The following UHRF1 variants were observed in gnomAD, a reference collection of about 807,000 sequenced individuals.
UHRF1 encodes E3 ubiquitin-protein ligase UHRF1.
In UHRF1, 9 loss-of-function variants were observed where a neutral mutation model predicts 96.5. That is an observed-to-expected ratio of 0.09 (90% CI 0.06 to 0.16). The LOEUF (loss-of-function observed/expected upper bound fraction) is 0.16. Ranked by LOEUF, UHRF1 falls within the 10% of genes least tolerant of loss-of-function variation. The probability of loss-of-function intolerance (pLI) is 1.00; values close to 1 mark genes in which losing one functional copy is unlikely to be tolerated. For missense variants in UHRF1, 626 were observed against 1,131.1 expected (o/e 0.55, Z 6.40); for synonymous variants, 455 against 469.9 (o/e 0.97, Z 0.41).
chr19:4,951,010 G>A lies in UHRF1; in HGVS notation c.1818+14G>A, dbSNP rs776105689. The A allele has an allele frequency of 3.1e-6, 5 of 1,591,936 alleles. No individual in the cohort carries two copies. The Admixed American group carries it at 7.2e-5, about 23-fold the overall frequency. ...CTGACCATGCAGGTGTGTCTGGGAT[G>A]GGGGATGGCACTTTGGGAGGCCAAG... On this transcript the variant is annotated intron_variant, in intron 13 of 16. Transcript: ENST00000650932.
chr19:4,955,035 C>A (rs899646506), intron 15 of UHRF1, among the ~76,000 whole-genome samples: 1 of 152,110 alleles, frequency 6.6e-6, no homozygotes, highest in Non-Finnish European at 1.5e-5. Flanking sequence ...ACTCCCACCC[C>A]CTCCCAAGCC....
At chr19:4,917,111 GTTTTTTTT>G (rs59815341) in intron 2 of UHRF1, among the ~76,000 whole-genome samples, 2 of 77,190 alleles carry the variant, frequency 2.6e-5, no homozygotes, top group South Asian at 5.2e-4. Context: ...TTAAGTTTTC[GTTTTTTTT>G]TTTTTTTTTT....
chr19:4,921,307 C>T (rs1412399013), intron 2 of UHRF1, among the ~76,000 whole-genome samples: 3 of 151,590 alleles, frequency 2.0e-5, no homozygotes, highest in East Asian at 1.9e-4. Flanking sequence ...GGTATGGTGG[C>T]GCATGTCTGT....
chr19:4,928,592 C>T (rs17884051), intron 2 of UHRF1, among the ~76,000 whole-genome samples: 1,870 of 152,274 alleles, frequency 0.012, 45 homozygotes, highest in African/African-American at 0.042. Context: ...CCCTGGCAGG[C>T]GAGATTGGCG....
rs71170880 is a variant in UHRF1 at position 4,938,730 on chromosome 19, G to GTTTTTTTTTTTTTTTTTTTTTTTTTTTT, written c.786-2794_786-2767dup. 1.9e-4 allele frequency among the ~76,000 whole-genome samples: 12 copies of GTTTTTTTTTTTTTTTTTTTTTTTTTTTT among 61,588 alleles called. 1 individual carries two copies. The highest frequency in any genetic ancestry group is 2.9e-4 in the Non-Finnish European group (10 of 34,020). 40.4% of individuals were successfully genotyped at this position (61,588 alleles called of 152,430 possible). A position where few individuals can be genotyped will look rare whatever the true frequency, so the allele number is the denominator to read the frequency against. On this transcript the variant is annotated intron_variant, in intron 5 of 16. Transcript: ENST00000650932. Reference sequence around the variant, plus strand: ...GGCATAAGAGTTTTGTTTTGGTCAGGTTTTTTTTTTTTTTTTTTTTTTTTT... The same window carrying GTTTTTTTTTTTTTTTTTTTTTTTTTTTT: ...GGCATAAGAGTTTTGTTTTGGTCAGGTTTTTTTTTTTTTTTTTTTTTTTTTTTTTTTTTTTTTTTTTTTTTTTTTTTTT...
intron 1 of UHRF1, among the ~76,000 whole-genome samples, chr19:4,903,923 G>A (rs2032003386): frequency 6.6e-6 from 1 of 152,188 alleles, no homozygotes; most frequent in African/African-American, 2.4e-5. Context: ...AGGGCAGTGT[G>A]TGCTTAATCT....
intron 11 of UHRF1, among the ~76,000 whole-genome samples, 171 bp from the exon 12 acceptor site, chr19:4,950,440 C>T (rs1011133744): frequency 8.0e-5 from 12 of 150,262 alleles, no homozygotes; most frequent in South Asian, 2.1e-4. Context: ...GACGGGGTTT[C>T]ACCATGTTGG....
exon 1 of UHRF1, chr19:4,903,117 C>T: frequency 7.9e-6 from 3 of 381,478 alleles, no homozygotes; most frequent in South Asian, 5.2e-5. Context: ...ACCTCCGCCT[C>T]ATGGGTTCAA....
At chr19:4,953,244 C>T (rs1011843001) in intron 13 of UHRF1, among the ~76,000 whole-genome samples, 3 of 152,110 alleles carry the variant, frequency 2.0e-5, no homozygotes, top group Admixed American at 1.3e-4. Flanking sequence ...GCACAGGCGT[C>T]CCCCCCTTAC....
In UHRF1 at chr19:4,939,059, G is replaced by A. The variant is rs577618581; in HGVS notation, c.786-2469G>A. 7.3e-5 allele frequency among the ~76,000 whole-genome samples: 11 copies of A among 149,774 alleles called. No individual in the cohort carries two copies. In the East Asian group the frequency reaches 1.6e-3, roughly 21 times the overall value. ...CTCCCGAGTAGCTGGGATTACAGGCGTGCTCCACTGCACCTGGCTCATTTT... is the reference window on the plus strand; with the variant it reads ...CTCCCGAGTAGCTGGGATTACAGGCATGCTCCACTGCACCTGGCTCATTTT... On this transcript the variant is annotated intron_variant, in intron 5 of 16. Transcript: ENST00000650932.
chr19:4,912,030 T>C (rs1027422660), intron 2 of UHRF1, among the ~76,000 whole-genome samples: 2 of 152,200 alleles, frequency 1.3e-5, no homozygotes, highest in Non-Finnish European at 2.9e-5. Flanking sequence ...GGGAGGATCA[T>C]GCCTGCTCAC....
At chr19:4,915,372 A>G (rs933876391) in intron 2 of UHRF1, among the ~76,000 whole-genome samples, 1 of 152,188 alleles carries the variant, frequency 6.6e-6, no homozygotes, top group Non-Finnish European at 1.5e-5. Context: ...GCTGTAGACA[A>G]TCTGTAAACC....
intron 2 of UHRF1, among the ~76,000 whole-genome samples, chr19:4,912,119 C>A (rs1449127287): frequency 6.6e-6 from 1 of 152,242 alleles, no homozygotes; most frequent in South Asian, 2.1e-4. Context: ...CCGTAAGAGA[C>A]GTGATGACTT....
rs2602705 is a variant in UHRF1 at position 4,916,689 on chromosome 19, C to T, written c.153+5651C>T. ...TTCTGTCTCCTCCGTGTCTAGGATC[C>T]TCCTGCATCCGTTTTTCCTTCCTCC... On this transcript the variant is annotated intron_variant, in intron 2 of 16. Transcript: ENST00000650932. Among the ~76,000 whole-genome samples the T allele has an allele frequency of 3.0e-3, 454 of 152,346 alleles. 3 individuals carry two copies. Among genetic ancestry groups the T allele is most frequent in the African/African-American group, 0.01 (418 of 41,590 alleles).
intron 2 of UHRF1, among the ~76,000 whole-genome samples, chr19:4,920,932 T>A: frequency 6.7e-6 from 1 of 148,648 alleles, no homozygotes; most frequent in Non-Finnish European, 1.5e-5. Context: ...GAAACCATCC[T>A]GGCCAACATG....
At chr19:4,929,195 C>A in intron 2 of UHRF1, 27 bp from the exon 3 acceptor site, 1 of 1,595,004 alleles carries the variant, frequency 6.3e-7, no homozygotes, top group Non-Finnish European at 8.6e-7. Context: ...GGTGGCTAAA[C>A]AGCGTCTGCC....
intron 2 of UHRF1, among the ~76,000 whole-genome samples, chr19:4,919,397 G>A (rs2032628587): frequency 6.6e-6 from 1 of 151,716 alleles, no homozygotes; most frequent in Non-Finnish European, 1.5e-5. Context: ...CCACCTCCTG[G>A]GTTCATGCCA....
At chr19:4,953,240 G>A (rs1027532641) in intron 13 of UHRF1, among the ~76,000 whole-genome samples, 6 of 152,140 alleles carry the variant, frequency 3.9e-5, no homozygotes, top group African/African-American at 1.4e-4. Context: ...GAATGCACAG[G>A]CGTCCCCCCC....
At chr19:4,906,323 G>T (rs1402235234), upstream of UHRF1, among the ~76,000 whole-genome samples, 1 of 152,192 alleles carries the variant, frequency 6.6e-6, no homozygotes, top group Non-Finnish European at 1.5e-5. Context: ...ATGTTCTCAA[G>T]ATGACTAGGG....
Sources: gnomAD v4.1 joint callset for allele counts (sites outside exome capture counted in the v4.1 genomes callset) on GRCh38, gnomAD v4.1.1 for gene constraint, MANE v1.5 for transcripts, NCBI Gene and HGNC (gene_info 2026-07-23, HGNC 2026-07-21) for gene names.